Variants in STIM1 observed in about 807,000 individuals in gnomAD.
The protein encoded by STIM1 is stromal interaction molecule 1.
In STIM1, 25 loss-of-function variants were observed where a neutral mutation model predicts 74.7. The observed-to-expected ratio is 0.33, with a 90% CI of 0.24 to 0.47. STIM1 has a LOEUF of 0.47. Ranked by LOEUF, STIM1 falls within the 20% of genes least tolerant of loss-of-function variation. The pLI is 1.00. For synonymous variants in STIM1, 328 were observed against 348.8 expected, an observed-to-expected ratio of 0.94 and a Z score of 0.66; for missense variants, 728 against 920.8, an observed-to-expected ratio of 0.79 and a Z score of 2.71.
At chr11:3,927,727 A>C (rs540375427) in intron 1 of STIM1, among the ~76,000 whole-genome samples, 2 of 152,168 alleles carry the variant, frequency 1.3e-5, no homozygotes, top group African/African-American at 2.4e-5. Context: ...TCCTGATCAG[A>C]TTAGTTCTGC....
intron 2 of STIM1, among the ~76,000 whole-genome samples, chr11:4,008,803 G>A (rs543264362): frequency 6.6e-6 from 1 of 152,120 alleles, no homozygotes; most frequent in East Asian, 1.9e-4. Flanking sequence ...ATGCACACAT[G>A]GGGAGAGCAT....
intron 6 of STIM1, among the ~76,000 whole-genome samples, chr11:4,073,419 A>G (rs1372765342): frequency 6.6e-6 from 1 of 152,110 alleles, no homozygotes; most frequent in Non-Finnish European, 1.5e-5. Context: ...GACCTTATAT[A>G]TCTATATCTA....
chr11:3,980,946 T>C (rs1002766226), intron 2 of STIM1, among the ~76,000 whole-genome samples: 4 of 152,198 alleles, frequency 2.6e-5, no homozygotes, highest in African/African-American at 9.7e-5. Context: ...ATTTTCAAAC[T>C]GCCCCTTGTT....
At chr11:3,887,599 C>T (rs1590528749) in intron 1 of STIM1, among the ~76,000 whole-genome samples, 2 of 152,088 alleles carry the variant, frequency 1.3e-5, no homozygotes, top group Non-Finnish European at 2.9e-5. Context: ...GAAGATGAAG[C>T]GGAGGTACAG....
intron 1 of STIM1, among the ~76,000 whole-genome samples, chr11:3,926,575 A>T (rs2092791349): frequency 6.6e-6 from 1 of 152,258 alleles, no homozygotes; most frequent in African/African-American, 2.4e-5. Flanking sequence ...TTGTAGTATC[A>T]TAATAATTGA....
intron 1 of STIM1, among the ~76,000 whole-genome samples, chr11:3,964,265 T>C (rs180717923): frequency 3.2e-4 from 49 of 152,272 alleles, no homozygotes; most frequent in African/African-American, 1.1e-3. Context: ...CCTTGCCAGA[T>C]TGGAATGCGT....
chr11:4,070,699 A>T (rs781160914), intron 6 of STIM1, among the ~76,000 whole-genome samples: 2 of 152,192 alleles, frequency 1.3e-5, no homozygotes, highest in African/African-American at 4.8e-5. Context: ...TTATTTCCTC[A>T]TTGGTAATAT....
In STIM1 at chr11:3,973,352, C is replaced by T. The variant is rs73427564; in HGVS notation, c.270+5670C>T. The T allele has an allele frequency of 4.3e-3, 1,875 of 432,290 alleles. 29 individuals carry two copies. Among genetic ancestry groups the T allele is most frequent in the African/African-American group, 0.035 (1,744 of 49,462 alleles). 26.8% of individuals were successfully genotyped at this position (432,290 alleles called of 1,614,324 possible). A position where few individuals can be genotyped will look rare whatever the true frequency, so the allele number is the denominator to read the frequency against. ...ATGAAACACTAGCCATCTCTTTCTT[C>T]GACAGGGCATCCCTAACTTCATAGT... is the stretch of plus-strand genomic sequence containing the variant. On this transcript the variant is annotated intron_variant, in intron 2 of 12. Transcript: ENST00000526596.
intron 1 of STIM1, among the ~76,000 whole-genome samples, chr11:3,865,348 T>A (rs1377207073): frequency 3.9e-5 from 6 of 152,156 alleles, no homozygotes; most frequent in Admixed American, 6.6e-5. Context: ...TCTCACTCTG[T>A]TGTGGAGCCT....
chr11:3,938,597 A>G (rs941865803), intron 1 of STIM1, among the ~76,000 whole-genome samples: 3 of 152,206 alleles, frequency 2.0e-5, no homozygotes, highest in Non-Finnish European at 4.4e-5. Flanking sequence ...CTGTAATCCC[A>G]GCACTTTGGG....
Position 3,856,318 on chromosome 11 carries a change from C to G in STIM1, c.48C>G (p.Leu16=), listed in dbSNP as rs2090367202. The change falls in exon 1 of 13, where the codon CTC becomes CTG. Residue 16 remains leucine (L), a synonymous_variant. Transcript: ENST00000526596. ...RLALWLLWGL[L]LHQGQSLSHS... is the part of the protein sequence containing the mutation. ...CCCTGTGGCTCCTCTGGGGACTCCT[C>G]CTGCACCAGGGCCAGAGCCTCAGCC... 6.2e-7 allele frequency: 1 copy of G among 1,614,202 alleles called. No homozygotes were observed. The highest frequency in any genetic ancestry group is 2.2e-5 in the East Asian group (1 of 44,884).
At chr11:4,088,801 T>C (rs2094507614) in intron 12 of STIM1, 3 of 1,487,560 alleles carry the variant, frequency 2.0e-6, no homozygotes, top group South Asian at 1.2e-5. Flanking sequence ...TCTGGCCTGA[T>C]TGTTCTCAGT....
intron 1 of STIM1, among the ~76,000 whole-genome samples, chr11:3,924,553 C>T (rs1179908213): frequency 1.3e-5 from 2 of 151,878 alleles, no homozygotes; most frequent in African/African-American, 4.8e-5. Context: ...ATTTTTGATG[C>T]AATAGTCAAT....
chr11:3,898,083 C>A (rs560143442), intron 1 of STIM1, among the ~76,000 whole-genome samples: 1 of 152,268 alleles, frequency 6.6e-6, no homozygotes, highest in African/African-American at 2.4e-5. Context: ...CTTGAGGAAT[C>A]GCCACACTGA....
chr11:3,962,029 G>C (rs1385338123), intron 1 of STIM1, among the ~76,000 whole-genome samples: 1 of 152,128 alleles, frequency 6.6e-6, no homozygotes, highest in Non-Finnish European at 1.5e-5. Context: ...CTAAACTGTG[G>C]TTACTTAAAC....
At chr11:4,006,381 T>C (rs1383173992) in intron 2 of STIM1, among the ~76,000 whole-genome samples, 2 of 152,212 alleles carry the variant, frequency 1.3e-5, no homozygotes, top group African/African-American at 4.8e-5. Context: ...TCTTTTCTTA[T>C]AAATTACCCA....
At position 3,953,652 on chromosome 11, in the gene STIM1, T is replaced by C. The variant is rs143466829; in HGVS notation, c.140-13900T>C. ...CAGGTGTTAAAAGAGCAACGGCCTT[T>C]GAGGCCCTCCAAATCCCCTTCAATT... On this transcript the variant is annotated intron_variant, in intron 1 of 12. Coordinates refer to ENST00000526596, the MANE Select transcript of STIM1 (RefSeq NM_001382567.1). Among the ~76,000 whole-genome samples, 46 of 152,358 alleles carry C rather than the reference T, an allele frequency of 3.0e-4. 1 individual carries two copies. The highest frequency in any genetic ancestry group is 4.6e-4 in the Admixed American group (7 of 15,298).
chr11:3,914,165 C>A (rs2092607676), intron 1 of STIM1, among the ~76,000 whole-genome samples: 1 of 152,130 alleles, frequency 6.6e-6, no homozygotes. Flanking sequence ...AACTTCCAGT[C>A]TACTTTTTGT....
chr11:4,006,153 C>T (rs1363679062), intron 2 of STIM1, among the ~76,000 whole-genome samples: 2 of 152,144 alleles, frequency 1.3e-5, no homozygotes, highest in Admixed American at 6.5e-5. Context: ...ACCATCCCCT[C>T]TCAGTATTGA....
Sources: gnomAD v4.1 joint callset for allele counts (sites outside exome capture counted in the v4.1 genomes callset) on GRCh38, gnomAD v4.1.1 for gene constraint, MANE v1.5 for transcripts, NCBI Gene and HGNC (gene_info 2026-07-23, HGNC 2026-07-21) for gene names.